CDC45: variants seen among roughly 807,000 people sequenced by gnomAD.
CDC45 encodes cell division control protein 45 homolog.
CDC45 carries 54 observed loss-of-function variants against 77.8 expected under a neutral mutation model. The ratio of observed to expected loss-of-function variants is 0.69; its 90% confidence interval spans 0.56 to 0.87. CDC45 has a LOEUF of 0.87. Among genes scored for constraint, CDC45 ranks in the 40% least tolerant of loss-of-function variants. CDC45 has a pLI of 0.00. For missense variants in CDC45, 649 were observed against 721.6 expected (o/e 0.90, Z 1.15); for synonymous variants, 260 against 272.1 (o/e 0.96, Z 0.44).
intron 5 of CDC45, among the ~76,000 whole-genome samples, chr22:19,493,198 C>T (rs1004461982): frequency 5.3e-5 from 8 of 150,742 alleles, no homozygotes; most frequent in African/African-American, 1.9e-4. Flanking sequence ...CCTTCCCAGT[C>T]CTTTGACTAG....
At position 19,481,063 on chromosome 22, in the gene CDC45, T is replaced by C; in HGVS notation, c.204+18T>C. ...AAGAACAGGTATTGAAGATGCGTTT[T>C]AGAATAACGTGGCTTTTTACTCAAT... is the stretch of plus-strand genomic sequence containing the variant. On this transcript the variant is annotated intron_variant, in intron 3 of 18. Transcript: ENST00000263201. The C allele has an allele frequency of 6.6e-7, 1 of 1,518,366 alleles. No individual in the cohort carries two copies. The highest frequency in any genetic ancestry group is 9.1e-7 in the Non-Finnish European group (1 of 1,094,742). 94.1% of individuals were successfully genotyped at this position (1,518,366 alleles called of 1,614,324 possible).
Position 19,495,978 on chromosome 22 carries a change from C to A in CDC45, c.543-3C>A. ...TGAAGACCTGCATTTTATGTCATTACAGAAGAGACATCCTCTTTGACTACG... is the reference window on the plus strand; with the variant it reads ...TGAAGACCTGCATTTTATGTCATTAAAGAAGAGACATCCTCTTTGACTACG... On this transcript the variant is annotated splice_region_variant and splice_polypyrimidine_tract_variant and intron_variant, in intron 6 of 18. Coordinates refer to ENST00000263201, the MANE Select transcript of CDC45 (RefSeq NM_003504.5). The A allele has an allele frequency of 1.2e-6, 2 of 1,609,036 alleles. No homozygotes were observed. Among genetic ancestry groups the A allele is most frequent in the East Asian group, 2.2e-5 (1 of 44,870 alleles).
chr22:19,519,195 G>A (rs557798758), intron 18 of CDC45, among the ~76,000 whole-genome samples: 51 of 152,306 alleles, frequency 3.3e-4, no homozygotes, highest in African/African-American at 6.3e-4. Flanking sequence ...TGGGCATCGC[G>A]TGTGACACAT....
At position 19,496,003 on chromosome 22, in the gene CDC45, G is replaced by C. The variant is rs566899785; in HGVS notation, c.565G>C (p.Glu189Gln). ...CAGAAGAGACATCCTCTTTGACTAC[G>C]AGCAGTATGAATATCATGGGACATC... ...ARRRDILFDY[E>Q]QYEYHGTSSA... The change falls in exon 7 of 19, where the codon GAG becomes CAG. Residue 189 changes from glutamate to glutamine, a missense_variant. Physicochemically the swap from Glu to Gln is conservative, Grantham distance 29. Coordinates refer to ENST00000263201, the MANE Select transcript of CDC45 (RefSeq NM_003504.5). 16 of 1,611,256 alleles carry C rather than the reference G, an allele frequency of 9.9e-6. No individual in the cohort carries two copies. The highest frequency in any genetic ancestry group is 1.7e-4 in the Middle Eastern group (1 of 6,060).
intron 5 of CDC45, among the ~76,000 whole-genome samples, chr22:19,492,049 G>A (rs188341867): frequency 2.3e-4 from 35 of 152,156 alleles, no homozygotes; most frequent in Admixed American, 4.6e-4. Flanking sequence ...CAAGCAATCT[G>A]CCCGCCTCGG....
chr22:19,504,359 G>A (rs985577065), intron 9 of CDC45, among the ~76,000 whole-genome samples: 1 of 152,220 alleles, frequency 6.6e-6, no homozygotes, highest in Non-Finnish European at 1.5e-5. Context: ...CAGTGCAATG[G>A]CGCTGTCTCG....
At position 19,498,999 on chromosome 22, in the gene CDC45, G is replaced by C. The variant is rs185658693; in HGVS notation, c.654-102G>C. The C allele has an allele frequency of 5.0e-4, 638 of 1,266,190 alleles. 1 individual carries two copies. The East Asian group carries it at 7.0e-3, about 14-fold the overall frequency. 78.4% of individuals were successfully genotyped at this position (1,266,190 alleles called of 1,614,324 possible). A position where few individuals can be genotyped will look rare whatever the true frequency, so the allele number is the denominator to read the frequency against. ...GGCCCCACTGGCAGGACATTCCCCA[G>C]AGTGCTGAGCTTGGGCCCGTTCCAT... On this transcript the variant is annotated intron_variant, in intron 8 of 18. Coordinates refer to ENST00000263201, the MANE Select transcript of CDC45 (RefSeq NM_003504.5).
At chr22:19,502,248 A>C (rs1188582483) in intron 9 of CDC45, among the ~76,000 whole-genome samples, 1 of 152,246 alleles carries the variant, frequency 6.6e-6, no homozygotes, top group African/African-American at 2.4e-5. Context: ...CAGTAGAGAC[A>C]AATATAAAAT....
Position 19,483,802 on chromosome 22 carries a change from A to G in CDC45, c.343-60A>G, listed in dbSNP as rs972416552. 13 of 1,477,810 alleles carry G rather than the reference A, an allele frequency of 8.8e-6. No individual in the cohort carries two copies. In the African/African-American group the frequency reaches 1.6e-4, roughly 18 times the overall value. The allele number at this position is 1,477,810 out of a possible 1,614,324, so 91.5% of individuals were successfully genotyped here. A position where few individuals can be genotyped will look rare whatever the true frequency, so the allele number is the denominator to read the frequency against. ...AAATGATAAGATTCTGCAGAAGAAC[A>G]TATTGTATAGTTTTCCGTAGAAAGA... On this transcript the variant is annotated intron_variant, in intron 4 of 18. Coordinates refer to ENST00000263201, the MANE Select transcript of CDC45 (RefSeq NM_003504.5).
At chr22:19,479,582 G>A (rs546149761), upstream of CDC45, 6 of 587,606 alleles carry the variant, frequency 1.0e-5, no homozygotes, top group East Asian at 2.5e-4. Context: ...GTATGTGACT[G>A]AGTTTAATGT....
At chr22:19,490,625 C>G (rs1286480351) in intron 5 of CDC45, among the ~76,000 whole-genome samples, 2 of 152,112 alleles carry the variant, frequency 1.3e-5, no homozygotes, top group Admixed American at 1.3e-4. Context: ...ATCCGCCCAC[C>G]TCAGCCTCCC....
At chr22:19,503,595 CAT>C (rs1166990158) in intron 9 of CDC45, among the ~76,000 whole-genome samples, 1 of 152,196 alleles carries the variant, frequency 6.6e-6, no homozygotes, top group Non-Finnish European at 1.5e-5. Flanking sequence ...CTTTCACAAA[CAT>C]AAACCTACAT....
chr22:19,487,652 G>A (rs902700103), intron 5 of CDC45, among the ~76,000 whole-genome samples: 47 of 152,118 alleles, frequency 3.1e-4, no homozygotes, highest in African/African-American at 1.1e-3. Flanking sequence ...GGTGGCTCAC[G>A]CCTGTAATCC....
At chr22:19,496,868 G>A (rs1402026184) in intron 7 of CDC45, among the ~76,000 whole-genome samples, 1 of 152,064 alleles carries the variant, frequency 6.6e-6, no homozygotes, top group Admixed American at 6.6e-5. Flanking sequence ...AGCCCTGTTG[G>A]AAAGAGAGGT....
At chr22:19,482,640 A>G in intron 3 of CDC45, 50 bp from the exon 4 acceptor site, 1 of 1,588,012 alleles carries the variant, frequency 6.3e-7, no homozygotes, top group Middle Eastern at 1.7e-4. Context: ...TGATGAAGGA[A>G]AAGGGGCCTC....
intron 18 of CDC45, among the ~76,000 whole-genome samples, chr22:19,519,638 G>A (rs1440514292): frequency 9.9e-5 from 15 of 152,264 alleles, no homozygotes; most frequent in Admixed American, 9.2e-4. Context: ...GCCCTGCCAA[G>A]ACTCTGTTGC....
chr22:19,504,100 C>T (rs111946454), intron 9 of CDC45, among the ~76,000 whole-genome samples: 3 of 151,992 alleles, frequency 2.0e-5, no homozygotes, highest in South Asian at 2.1e-4. Flanking sequence ...ACAAGGGGCT[C>T]GAGGCTAGAC....
At chr22:19,484,651 C>T (rs1199809955) in intron 5 of CDC45, among the ~76,000 whole-genome samples, 1 of 152,186 alleles carries the variant, frequency 6.6e-6, no homozygotes, top group African/African-American at 2.4e-5. Flanking sequence ...TAGAATTTGC[C>T]CCCGTAATGT....
chr22:19,500,224 G>C (rs2090316289), intron 9 of CDC45, among the ~76,000 whole-genome samples: 1 of 152,206 alleles, frequency 6.6e-6, no homozygotes, highest in Admixed American at 6.5e-5. Context: ...TCACTGTCCT[G>C]GTTGGTGGCC....
Sources: gnomAD v4.1 joint callset for allele counts (sites outside exome capture counted in the v4.1 genomes callset) on GRCh38, gnomAD v4.1.1 for gene constraint, MANE v1.5 for transcripts, NCBI Gene and HGNC (gene_info 2026-07-23, HGNC 2026-07-21) for gene names.